The following STOX1 variants were observed in gnomAD, a reference collection of about 807,000 sequenced individuals.
The protein encoded by STOX1 is storkhead-box protein 1.
In STOX1, 57 loss-of-function variants were observed where a neutral mutation model predicts 74.8. That is an observed-to-expected ratio of 0.76 (90% CI 0.62 to 0.95). The LOEUF is 0.95. Among genes scored for constraint, STOX1 ranks in the 40% least tolerant of loss-of-function variants. The probability of loss-of-function intolerance (pLI) is 0.00; values close to 1 mark genes in which losing one functional copy is unlikely to be tolerated. For missense variants in STOX1, 1,010 were observed against 1,117.0 expected (o/e 0.90, Z 1.37); for synonymous variants, 375 against 401.3 (o/e 0.93, Z 0.78).
At chr10:68,831,097 C>G (rs1839395472) in intron 1 of STOX1, among the ~76,000 whole-genome samples, 1 of 152,124 alleles carries the variant, frequency 6.6e-6, no homozygotes, top group Non-Finnish European at 1.5e-5. Context: ...GGTTGTTGCT[C>G]CATTCTCACT....
chr10:68,875,633 C>T (rs1237354894), intron 1 of STOX1, among the ~76,000 whole-genome samples: 4 of 152,110 alleles, frequency 2.6e-5, no homozygotes, highest in Non-Finnish European at 5.9e-5. Flanking sequence ...CCTTTGTGTC[C>T]TTACATAAAG....
chr10:68,856,648 G>A (rs376646053), intron 1 of STOX1, among the ~76,000 whole-genome samples: 2 of 152,158 alleles, frequency 1.3e-5, no homozygotes, highest in Admixed American at 6.5e-5. Flanking sequence ...ACAGAAAAGT[G>A]TCTCCAAGTC....
intron 1 of STOX1, among the ~76,000 whole-genome samples, chr10:68,834,774 G>C (rs142054300): frequency 6.6e-6 from 1 of 151,850 alleles, no homozygotes; most frequent in Non-Finnish European, 1.5e-5. Flanking sequence ...ACCCAGGCTG[G>C]AGTGCAGTGG....
At chr10:68,834,926 G>A (rs998573486) in intron 1 of STOX1, among the ~76,000 whole-genome samples, 1 of 152,116 alleles carries the variant, frequency 6.6e-6, no homozygotes, top group African/African-American at 2.4e-5. Context: ...GTTTCTCCAT[G>A]TTGGCCAGGC....
Position 68,837,041 on chromosome 10 carries a change from T to C in STOX1, c.310+9108T>C, listed in dbSNP as rs373955115. On this transcript the variant is annotated intron_variant, in intron 1 of 3. Coordinates refer to ENST00000298596, the MANE Select transcript of STOX1 (RefSeq NM_152709.5). Reference sequence around the variant, plus strand: ...CTTGCAGTCGTTTGTTAGGTATGCATTGAGCATTTACCCTCTGCCCAGCCT... The same window carrying C: ...CTTGCAGTCGTTTGTTAGGTATGCACTGAGCATTTACCCTCTGCCCAGCCT... Among the ~76,000 whole-genome samples, 359 of 152,324 alleles carry C rather than the reference T, an allele frequency of 2.4e-3. 3 individuals are homozygous for C. The highest frequency in any genetic ancestry group is 8.3e-3 in the African/African-American group (344 of 41,574).
At chr10:68,832,510 T>G (rs1839436509) in intron 1 of STOX1, among the ~76,000 whole-genome samples, 1 of 151,888 alleles carries the variant, frequency 6.6e-6, no homozygotes, top group Non-Finnish European at 1.5e-5. Context: ...CCATCTCTAT[T>G]AAAAATAGAA....
At chr10:68,847,420 TG>T (rs1490528135) in intron 1 of STOX1, among the ~76,000 whole-genome samples, 3 of 152,032 alleles carry the variant, frequency 2.0e-5, no homozygotes, top group African/African-American at 7.2e-5. Context: ...TGTTTTGTTT[TG>T]TTTTGTTTTT....
intron 1 of STOX1, among the ~76,000 whole-genome samples, chr10:68,857,328 C>T (rs1416190247): frequency 6.6e-6 from 1 of 151,918 alleles, no homozygotes; most frequent in African/African-American, 2.4e-5. Context: ...CAACTGCTTC[C>T]CTCCCCTCCT....
chr10:68,835,014 A>G (rs1277291112), intron 1 of STOX1, among the ~76,000 whole-genome samples: 1 of 146,096 alleles, frequency 6.8e-6, no homozygotes, highest in East Asian at 2.1e-4. Flanking sequence ...GTGAGCCACC[A>G]TGCACGGCCA....
intron 1 of STOX1, among the ~76,000 whole-genome samples, chr10:68,878,126 C>T (rs1840724141): frequency 6.6e-6 from 1 of 152,104 alleles, no homozygotes; most frequent in African/African-American, 2.4e-5. Flanking sequence ...AATTCAAGAT[C>T]ACAGGAAAAG....
chr10:68,841,227 G>A (rs1053043208), intron 1 of STOX1, among the ~76,000 whole-genome samples: 2 of 152,202 alleles, frequency 1.3e-5, no homozygotes, highest in Non-Finnish European at 2.9e-5. Flanking sequence ...TTACAGGCAT[G>A]AGCCACCATG....
intron 1 of STOX1, among the ~76,000 whole-genome samples, chr10:68,833,825 T>C (rs2133488263): frequency 6.6e-6 from 1 of 152,328 alleles, no homozygotes; most frequent in South Asian, 2.1e-4. Context: ...GGTCTGTCTC[T>C]CTTCTCTTAC....
At chr10:68,869,942 G>A (rs746431969) in intron 1 of STOX1, among the ~76,000 whole-genome samples, 8 of 152,062 alleles carry the variant, frequency 5.3e-5, no homozygotes, top group Non-Finnish European at 1.0e-4. Flanking sequence ...ACCCAAAGAA[G>A]AGAGGCGACT....
At chr10:68,872,857 C>T (rs1020850240) in intron 1 of STOX1, among the ~76,000 whole-genome samples, 14 of 151,762 alleles carry the variant, frequency 9.2e-5, no homozygotes, top group African/African-American at 3.1e-4. Flanking sequence ...AGCAGACCCT[C>T]TTGGAATTGG....
Position 68,885,779 on chromosome 10 carries a change from C to T in STOX1, c.1983C>T (p.Asn661=). The change falls in exon 3 of 4, where the codon AAC becomes AAT. Residue 661 remains asparagine, a synonymous_variant. Transcript: ENST00000298596. ...CCTCTGCTTGTAGATTAGTGGATAA[C>T]ACAATACACCAGTTTCAAAATCTTG... ...RTPSACRLVD[N]TIHQFQNLGL... 6.2e-7 allele frequency: 1 copy of T among 1,614,104 alleles called. No homozygotes were observed. The highest frequency in any genetic ancestry group is 8.5e-7 in the Non-Finnish European group (1 of 1,180,036).
Position 68,885,899 on chromosome 10 carries a change from G to A in STOX1, c.2103G>A (p.Gln701=). The change falls in exon 3 of 4, where the codon CAG becomes CAA. Residue 701 remains glutamine (Q), a synonymous_variant. Coordinates refer to ENST00000298596, the MANE Select transcript of STOX1 (RefSeq NM_152709.5). ...AATTATTGAGAAAAGGATTTGTCCA[G>A]GATGCAGAGACTACAAGCCTAGAAA... is the stretch of plus-strand genomic sequence containing the variant. ...SEELLRKGFV[Q]DAETTSLENE... is the part of the protein sequence containing the mutation. The A allele has an allele frequency of 6.2e-7, 1 of 1,614,152 alleles. No individual in the cohort carries two copies. Among genetic ancestry groups the A allele is most frequent in the Non-Finnish European group, 8.5e-7 (1 of 1,180,030 alleles).
rs999265975 is a variant in STOX1, at chr10:68,845,271, ATTT to A, written c.310+17356_310+17358del. 1.3e-3 allele frequency among the ~76,000 whole-genome samples: 163 copies of A among 121,912 alleles called. 1 individual carries two copies. In the East Asian group the frequency reaches 0.036, roughly 27 times the overall value. 80.0% of individuals were successfully genotyped at this position (121,912 alleles called of 152,430 possible). On this transcript the variant is annotated intron_variant, in intron 1 of 3. Transcript: ENST00000298596. ...AGTTGCGCACCACAACAGCTGGCTA[ATTT>A]TTTTTTTTTTTTTTTTTGAGATGGA...
chr10:68,876,486 C>T (rs2131984962), intron 1 of STOX1, among the ~76,000 whole-genome samples: 1 of 143,922 alleles, frequency 6.9e-6, no homozygotes. Context: ...CAACTAAATC[C>T]TTTCGTAGTA....
intron 3 of STOX1, among the ~76,000 whole-genome samples, chr10:68,887,698 A>T (rs755475169): frequency 1.3e-5 from 2 of 149,690 alleles, no homozygotes; most frequent in Non-Finnish European, 3.0e-5. Flanking sequence ...GGTTCAAGCA[A>T]TTCTCCCACT....
Sources: allele counts gnomAD v4.1 joint callset (sites outside exome capture counted in the v4.1 genomes callset), GRCh38; gene constraint gnomAD v4.1.1; transcripts MANE v1.5; gene names NCBI Gene and HGNC (gene_info 2026-07-23, HGNC 2026-07-21).